The following GRM8 variants were observed in gnomAD, a reference collection of about 807,000 sequenced individuals.
GRM8 encodes the protein glutamate metabotropic receptor 8, also known as metabotropic glutamate receptor 8.
Under a neutral mutation model 87.2 loss-of-function variants are expected in GRM8, and 47 were observed. The ratio of observed to expected loss-of-function variants is 0.54; its 90% confidence interval spans 0.43 to 0.69. The LOEUF is 0.69. Among genes scored for constraint, GRM8 ranks in the 30% least tolerant of loss-of-function variants. The pLI is 0.00. For missense variants in GRM8, 1,019 were observed against 1,139.2 expected (o/e 0.89, Z 1.52); for synonymous variants, 396 against 404.5 (o/e 0.98, Z 0.25).
intron 3 of GRM8, among the ~76,000 whole-genome samples, chr7:127,086,393 C>T (rs1234557798): frequency 6.6e-6 from 1 of 152,190 alleles, no homozygotes; most frequent in East Asian, 1.9e-4. Context: ...AGCCACTGCG[C>T]CTGGCCCAGT....
chr7:126,661,788 A>G (rs1388047688), intron 7 of GRM8, among the ~76,000 whole-genome samples: 1 of 152,226 alleles, frequency 6.6e-6, no homozygotes, highest in Non-Finnish European at 1.5e-5. Flanking sequence ...CTTCCTCCCA[A>G]GAGAGCAGAT....
chr7:127,202,273 G>A (rs1795656992), intron 2 of GRM8, among the ~76,000 whole-genome samples: 2 of 151,968 alleles, frequency 1.3e-5, no homozygotes, highest in Non-Finnish European at 2.9e-5. Context: ...TGCCTCTCAG[G>A]CTCAAGCAAT....
At chr7:126,562,678 T>C (rs1368725663) in intron 8 of GRM8, among the ~76,000 whole-genome samples, 2 of 152,176 alleles carry the variant, frequency 1.3e-5, no homozygotes, top group African/African-American at 2.4e-5. Flanking sequence ...GCAGATCACC[T>C]GAGGTTGGGA....
intron 6 of GRM8, among the ~76,000 whole-genome samples, chr7:126,843,293 C>T (rs982017732): frequency 6.6e-6 from 1 of 151,550 alleles, no homozygotes; most frequent in Non-Finnish European, 1.5e-5. Context: ...ATTATATAAA[C>T]TAAAGGGGAC....
In GRM8 at chr7:127,079,459, G is replaced by C. The variant is rs555829024; in HGVS notation, c.727+27037C>G. Among the ~76,000 whole-genome samples the C allele has an allele frequency of 1.4e-4, 21 of 152,280 alleles. No individual in the cohort carries two copies. In the South Asian group the frequency reaches 3.9e-3, roughly 29 times the overall value. ...AAGTTAATGACAATCAAACTTTGAT[G>C]CCTTCTAAGGATAGATATTTCATCA... On this transcript the variant is annotated intron_variant, in intron 3 of 10. Transcript: ENST00000339582.
chr7:126,604,631 C>A (rs1798171708), intron 8 of GRM8, among the ~76,000 whole-genome samples: 1 of 133,836 alleles, frequency 7.5e-6, no homozygotes. Context: ...AAGTCACATG[C>A]CCAAGGCTGG....
At chr7:126,721,958 A>C (rs1812435902) in intron 7 of GRM8, among the ~76,000 whole-genome samples, 1 of 152,106 alleles carries the variant, frequency 6.6e-6, no homozygotes, top group South Asian at 2.1e-4. Flanking sequence ...CAGGATTTGA[A>C]AGACAAAGTT....
chr7:126,908,002 T>C (rs1802888253), intron 3 of GRM8, among the ~76,000 whole-genome samples: 1 of 152,160 alleles, frequency 6.6e-6, no homozygotes, highest in South Asian at 2.1e-4. Context: ...ACCAGTTATG[T>C]GATGGTATCA....
intron 3 of GRM8, among the ~76,000 whole-genome samples, chr7:127,057,898 G>T (rs145267996): frequency 9.4e-4 from 143 of 151,582 alleles, no homozygotes; most frequent in Admixed American, 8.7e-3. Context: ...TGCCTTGCAA[G>T]AACAGAGGTT....
At chr7:126,504,318 T>G (rs560266137) in intron 9 of GRM8, among the ~76,000 whole-genome samples, 82 of 152,184 alleles carry the variant, frequency 5.4e-4, no homozygotes, top group African/African-American at 1.9e-3. Flanking sequence ...AATTCACTAT[T>G]AGTTTCCTAT....
At chr7:127,012,982 C>T (rs150191479) in intron 3 of GRM8, among the ~76,000 whole-genome samples, 9 of 152,180 alleles carry the variant, frequency 5.9e-5, no homozygotes, top group East Asian at 5.8e-4. Context: ...AGAGAGGGGA[C>T]GAGAAACAGC....
intron 10 of GRM8, among the ~76,000 whole-genome samples, chr7:126,440,229 T>C (rs1373794792): frequency 6.6e-6 from 1 of 151,524 alleles, no homozygotes; most frequent in Non-Finnish European, 1.5e-5. Flanking sequence ...TTGACCAGCA[T>C]GGTGAAATCC....
chr7:126,921,804 C>G (rs897923754), intron 3 of GRM8, among the ~76,000 whole-genome samples: 1 of 152,006 alleles, frequency 6.6e-6, no homozygotes, highest in African/African-American at 2.4e-5. Flanking sequence ...TCCATGCATA[C>G]CTTTTTTTAG....
intron 2 of GRM8, among the ~76,000 whole-genome samples, chr7:127,226,003 T>C (rs1797298406): frequency 6.6e-6 from 1 of 152,180 alleles, no homozygotes; most frequent in South Asian, 2.1e-4. Context: ...ATTCCAAATA[T>C]AAGGGTATTT....
intron 8 of GRM8, among the ~76,000 whole-genome samples, chr7:126,542,157 A>G: frequency 6.6e-6 from 1 of 152,204 alleles, no homozygotes; most frequent in South Asian, 2.1e-4. Flanking sequence ...GAACTATGAG[A>G]AAATAAATTT....
chr7:126,924,060 A>T (rs1182661780), intron 3 of GRM8, among the ~76,000 whole-genome samples: 1 of 152,176 alleles, frequency 6.6e-6, no homozygotes, highest in East Asian at 1.9e-4. Flanking sequence ...CTTTTCCAAC[A>T]GCAAATGGGC....
At chr7:127,176,311 T>C (rs1040002220) in intron 2 of GRM8, among the ~76,000 whole-genome samples, 1 of 152,166 alleles carries the variant, frequency 6.6e-6, no homozygotes, top group African/African-American at 2.4e-5. Context: ...GATATGAACA[T>C]GGTAGATATT....
At chr7:126,671,370 T>C (rs552925136) in intron 7 of GRM8, among the ~76,000 whole-genome samples, 18 of 152,322 alleles carry the variant, frequency 1.2e-4, no homozygotes, top group African/African-American at 4.3e-4. Flanking sequence ...TATGTAGAAA[T>C]AGTTATTCTT....
At chr7:126,977,123 T>A (rs1158052605) in intron 3 of GRM8, among the ~76,000 whole-genome samples, 3 of 152,192 alleles carry the variant, frequency 2.0e-5, no homozygotes, top group Non-Finnish European at 4.4e-5. Flanking sequence ...ATAAATCTCC[T>A]GAATTTTCAT....
Sources: allele counts gnomAD v4.1 joint callset (sites outside exome capture counted in the v4.1 genomes callset), GRCh38; gene constraint gnomAD v4.1.1; transcripts MANE v1.5; gene names NCBI Gene and HGNC (gene_info 2026-07-23, HGNC 2026-07-21).